SAMD3: variants seen among roughly 807,000 people sequenced by gnomAD.
SAMD3 encodes sterile alpha motif domain containing 3, also known as sterile alpha motif domain-containing protein 3.
Under a neutral mutation model 58.5 loss-of-function variants are expected in SAMD3, and 63 were observed. The observed-to-expected ratio is 1.08, with a 90% CI of 0.88 to 1.33. The LOEUF (loss-of-function observed/expected upper bound fraction) is 1.33. Ranked by LOEUF, SAMD3 falls within the 40% of genes most tolerant of loss-of-function variation. The pLI is 0.00. For synonymous variants in SAMD3, 220 were observed against 210.3 expected, an observed-to-expected ratio of 1.05 and a Z score of -0.40; for missense variants, 604 against 608.4, an observed-to-expected ratio of 0.99 and a Z score of 0.08.
chr6:130,361,155 A>G (rs894193740), intron 1 of SAMD3, among the ~76,000 whole-genome samples: 1 of 152,214 alleles, frequency 6.6e-6, no homozygotes, highest in African/African-American at 2.4e-5. Context: ...AAAGACAGGC[A>G]TAGGAAATCA....
intron 8 of SAMD3, among the ~76,000 whole-genome samples, chr6:130,166,580 A>T (rs1401272509): frequency 6.6e-6 from 1 of 152,226 alleles, no homozygotes; most frequent in Non-Finnish European, 1.5e-5. Context: ...TGACTTAAAG[A>T]TTTAAACATG....
rs1052553541 is a variant in SAMD3, at chr6:130,287,600, G to T, written c.-188+25378C>A. On this transcript the variant is annotated intron_variant, in intron 2 of 13. Coordinates refer to the SAMD3 transcript ENST00000368134. Reference sequence around the variant, plus strand: ...TGAGAGGTAGAACACACAAGGGAGAGAAGTAAGCAAAGGGTTATGAAGAGA... The same window carrying T: ...TGAGAGGTAGAACACACAAGGGAGATAAGTAAGCAAAGGGTTATGAAGAGA... 2.6e-5 allele frequency among the ~76,000 whole-genome samples: 4 copies of T among 152,156 alleles called. No individual in the cohort carries two copies. In the East Asian group the frequency reaches 5.8e-4, roughly 22 times the overall value.
intron 1 of SAMD3, among the ~76,000 whole-genome samples, chr6:130,321,285 G>C (rs1776577082): frequency 6.6e-6 from 1 of 152,094 alleles, no homozygotes; most frequent in Non-Finnish European, 1.5e-5. Flanking sequence ...CTGTGATCGA[G>C]AGCCAGTGAG....
At chr6:130,316,935 G>C (rs7758696) in intron 1 of SAMD3, among the ~76,000 whole-genome samples, 6,096 of 152,090 alleles carry the variant, frequency 0.04, 387 homozygotes, top group African/African-American at 0.14. Flanking sequence ...CCATTTTCTT[G>C]ACCACAAAAT....
chr6:130,298,277 C>T (rs1406634897), intron 2 of SAMD3, among the ~76,000 whole-genome samples: 1 of 152,082 alleles, frequency 6.6e-6, no homozygotes, highest in Non-Finnish European at 1.5e-5. Flanking sequence ...TCATATCCTG[C>T]CAAACAAGCT....
chr6:130,343,259 C>A (rs190659713), intron 1 of SAMD3, among the ~76,000 whole-genome samples: 4 of 151,854 alleles, frequency 2.6e-5, no homozygotes, highest in Non-Finnish European at 4.4e-5. Flanking sequence ...CTCCACAAAT[C>A]GGGATCATAA....
chr6:130,243,421 A>C (rs1397518469), intron 2 of SAMD3, among the ~76,000 whole-genome samples: 1 of 152,162 alleles, frequency 6.6e-6, no homozygotes, highest in East Asian at 1.9e-4. Context: ...GAGAGGAAAG[A>C]ATACAAGACA....
intron 1 of SAMD3, among the ~76,000 whole-genome samples, chr6:130,321,636 C>G (rs138303402): frequency 3.9e-4 from 59 of 152,188 alleles, no homozygotes; most frequent in African/African-American, 1.4e-3. Flanking sequence ...TCATTCAAGA[C>G]ATTTTTCATC....
chr6:130,191,647 C>T (rs1396198080), intron 5 of SAMD3, among the ~76,000 whole-genome samples: 3 of 149,800 alleles, frequency 2.0e-5, no homozygotes, highest in African/African-American at 4.9e-5. Context: ...TTAACTGAGC[C>T]GCAGTTTCTC....
intron 1 of SAMD3, among the ~76,000 whole-genome samples, chr6:130,316,842 T>A (rs1776392914): frequency 6.6e-6 from 1 of 152,190 alleles, no homozygotes; most frequent in African/African-American, 2.4e-5. Flanking sequence ...GCCAGATGAG[T>A]TATGACAAAG....
chr6:130,172,343 C>T (rs184755252), intron 8 of SAMD3, among the ~76,000 whole-genome samples: 25 of 152,248 alleles, frequency 1.6e-4, no homozygotes, highest in African/African-American at 5.5e-4. Flanking sequence ...GTGGCTGGTA[C>T]CAGTTTTTCC....
intron 1 of SAMD3, among the ~76,000 whole-genome samples, chr6:130,354,081 A>G (rs1362684541): frequency 2.0e-5 from 3 of 152,240 alleles, no homozygotes; most frequent in South Asian, 2.1e-4. Flanking sequence ...CAAGCTCAAC[A>G]TCACTGATCA....
chr6:130,286,465 A>C (rs751822288), intron 2 of SAMD3, among the ~76,000 whole-genome samples: 2 of 152,204 alleles, frequency 1.3e-5, no homozygotes, highest in Non-Finnish European at 2.9e-5. Context: ...TTGAAAGAAC[A>C]CTTGGTATTT....
rs144789485 is a variant in SAMD3, at chr6:130,307,237, G to A, written c.-188+5741C>T. On this transcript the variant is annotated intron_variant, in intron 2 of 13. Coordinates refer to the SAMD3 transcript ENST00000368134. Reference sequence around the variant, plus strand: ...TGCAGTTGTGAGCAAGGCTCACAAGGGCATGAGATCTGTGCAGGTCCACAG... The same window carrying A: ...TGCAGTTGTGAGCAAGGCTCACAAGAGCATGAGATCTGTGCAGGTCCACAG... 6.0e-4 allele frequency among the ~76,000 whole-genome samples: 92 copies of A among 152,326 alleles called. 1 individual carries two copies. The East Asian group carries it at 9.4e-3, about 16-fold the overall frequency.
chr6:130,323,655 T>TA (rs1776657905), intron 1 of SAMD3, among the ~76,000 whole-genome samples: 1 of 151,942 alleles, frequency 6.6e-6, no homozygotes, highest in African/African-American at 2.4e-5. Flanking sequence ...ATACAAAACT[T>TA]ATCTGGGCGT....
At chr6:130,303,306 A>T (rs1775812681) in intron 2 of SAMD3, among the ~76,000 whole-genome samples, 1 of 152,160 alleles carries the variant, frequency 6.6e-6, no homozygotes, top group Non-Finnish European at 1.5e-5. Context: ...CTCACACCAC[A>T]TATGGCCAAT....
intron 1 of SAMD3, among the ~76,000 whole-genome samples, chr6:130,343,650 A>C (rs747349066): frequency 4.6e-5 from 7 of 152,126 alleles, no homozygotes; most frequent in Non-Finnish European, 7.3e-5. Context: ...AAAAGGTATC[A>C]GTGCTAGAAG....
At chr6:130,246,092 TAGAG>T (rs1167134538) in intron 2 of SAMD3, among the ~76,000 whole-genome samples, 1 of 152,032 alleles carries the variant, frequency 6.6e-6, no homozygotes, top group Non-Finnish European at 1.5e-5. Context: ...AAGCAGTAAA[TAGAG>T]AAAGTTTATT....
chr6:130,253,625 T>C, intron 2 of SAMD3, among the ~76,000 whole-genome samples: 1 of 152,212 alleles, frequency 6.6e-6, no homozygotes, highest in Non-Finnish European at 1.5e-5. Context: ...ATTTTAAATA[T>C]GTGTTATATG....
Sources: allele counts gnomAD v4.1 joint callset (sites outside exome capture counted in the v4.1 genomes callset), GRCh38; gene constraint gnomAD v4.1.1; transcripts MANE v1.5; gene names NCBI Gene and HGNC (gene_info 2026-07-23, HGNC 2026-07-21).